DNER: variants seen among roughly 807,000 people sequenced by gnomAD.
DNER encodes delta/notch like EGF repeat containing, also known as delta and Notch-like epidermal growth factor-related receptor.
DNER carries 33 observed loss-of-function variants against 78.2 expected under a neutral mutation model. The ratio of observed to expected loss-of-function variants is 0.42; its 90% CI spans 0.32 to 0.56. The LOEUF is 0.56. Ranked by LOEUF, DNER falls within the 20% of genes least tolerant of loss-of-function variation. The pLI, the probability that DNER is intolerant of heterozygous loss-of-function variation, is 0.11. For synonymous variants in DNER, 417 were observed against 384.8 expected (o/e 1.08, Z -0.98); for missense variants, 918 against 975.3 (o/e 0.94, Z 0.78).
intron 7 of DNER, among the ~76,000 whole-genome samples, chr2:229,460,776 G>C (rs1397261807): frequency 6.6e-6 from 1 of 152,036 alleles, no homozygotes; most frequent in African/African-American, 2.4e-5. Context: ...TTGAAATTTT[G>C]AGTCAAAACT....
chr2:229,374,334 G>C (rs1224907368), intron 11 of DNER, among the ~76,000 whole-genome samples: 1 of 152,128 alleles, frequency 6.6e-6, no homozygotes, highest in Admixed American at 6.5e-5. Flanking sequence ...CCAAACCTCA[G>C]CATCACACAA....
intron 5 of DNER, among the ~76,000 whole-genome samples, chr2:229,544,409 G>A (rs1199773484): frequency 6.6e-6 from 1 of 152,108 alleles, no homozygotes; most frequent in Non-Finnish European, 1.5e-5. Flanking sequence ...CAAAGATTTA[G>A]CAGAAATGAT....
chr2:229,475,817 C>T (rs1695023286), intron 7 of DNER, among the ~76,000 whole-genome samples: 1 of 152,066 alleles, frequency 6.6e-6, no homozygotes, highest in Admixed American at 6.5e-5. Context: ...AGCACTTTCA[C>T]AAAAATTCCA....
intron 4 of DNER, among the ~76,000 whole-genome samples, chr2:229,576,773 T>A (rs1263609568): frequency 6.6e-6 from 1 of 151,756 alleles, no homozygotes; most frequent in African/African-American, 2.4e-5. Context: ...GGGAAGGGAA[T>A]CAGAGTGGAG....
intron 1 of DNER, among the ~76,000 whole-genome samples, chr2:229,649,870 CG>C (rs1218317126): frequency 2.6e-5 from 4 of 151,878 alleles, no homozygotes; most frequent in Non-Finnish European, 4.4e-5. Context: ...GTCAGGAGAT[CG>C]AGACCATCCT....
intron 5 of DNER, among the ~76,000 whole-genome samples, chr2:229,542,488 G>A (rs1259719617): frequency 2.0e-5 from 3 of 152,006 alleles, no homozygotes; most frequent in Non-Finnish European, 4.4e-5. Flanking sequence ...AATGAAAGCG[G>A]GGTGGAAATA....
intron 1 of DNER, among the ~76,000 whole-genome samples, chr2:229,656,731 G>A (rs143300402): frequency 1.1e-3 from 175 of 152,276 alleles, no homozygotes; most frequent in African/African-American, 4.1e-3. Flanking sequence ...CACAGGAGGA[G>A]TTTAATTTCA....
chr2:229,377,422 T>A (rs1168435891), intron 11 of DNER, among the ~76,000 whole-genome samples: 1 of 152,216 alleles, frequency 6.6e-6, no homozygotes, highest in Non-Finnish European at 1.5e-5. Context: ...AATTTTGATT[T>A]TTAGACCTTG....
chr2:229,680,171 A>G (rs1699362263), intron 1 of DNER, among the ~76,000 whole-genome samples: 1 of 152,218 alleles, frequency 6.6e-6, no homozygotes. Context: ...TCATCCACAG[A>G]GGAATAATGG....
chr2:229,554,287 G>A (rs891839493), intron 4 of DNER, among the ~76,000 whole-genome samples: 5 of 152,142 alleles, frequency 3.3e-5, no homozygotes, highest in Admixed American at 6.5e-5. Context: ...GCCAGGCATG[G>A]TGGCTCACAC....
chr2:229,456,771 C>A (rs1694583670), intron 7 of DNER, among the ~76,000 whole-genome samples: 1 of 152,058 alleles, frequency 6.6e-6, no homozygotes, highest in African/African-American at 2.4e-5. Context: ...CAGATGATGA[C>A]CGAGTTTTTC....
chr2:229,482,075 A>G (rs930306997), intron 6 of DNER, among the ~76,000 whole-genome samples: 3 of 152,268 alleles, frequency 2.0e-5, no homozygotes, highest in Admixed American at 6.5e-5. Flanking sequence ...TGATTTCCAA[A>G]TGACGAAAGT....
intron 1 of DNER, among the ~76,000 whole-genome samples, chr2:229,696,899 T>C (rs1047458566): frequency 7.2e-5 from 11 of 152,074 alleles, no homozygotes; most frequent in African/African-American, 2.7e-4. Flanking sequence ...GGGGCTCAGG[T>C]TGTGTAAGAA....
intron 1 of DNER, among the ~76,000 whole-genome samples, chr2:229,600,066 G>C (rs139137336): frequency 2.9e-4 from 44 of 152,262 alleles, no homozygotes; most frequent in African/African-American, 1.0e-3. Flanking sequence ...AACTCTAAAG[G>C]TGAAGCCTAG....
At chr2:229,647,706 A>G (rs1261622072) in intron 1 of DNER, among the ~76,000 whole-genome samples, 2 of 152,252 alleles carry the variant, frequency 1.3e-5, no homozygotes, top group African/African-American at 2.4e-5. Context: ...GAATTACAAT[A>G]TATCTGGATG....
chr2:229,662,303 T>G (rs184971207), intron 1 of DNER, among the ~76,000 whole-genome samples: 274 of 152,270 alleles, frequency 1.8e-3, no homozygotes, highest in African/African-American at 6.4e-3. Flanking sequence ...TGGAGCAGCC[T>G]CATCCAAAAG....
chr2:229,442,024 A>G (rs1694246401), intron 8 of DNER, among the ~76,000 whole-genome samples: 1 of 152,216 alleles, frequency 6.6e-6, no homozygotes, highest in Non-Finnish European at 1.5e-5. Context: ...CCCTTGCTAC[A>G]GATGCAGCTG....
intron 4 of DNER, among the ~76,000 whole-genome samples, chr2:229,573,790 A>T (rs1248269625): frequency 1.3e-5 from 2 of 152,176 alleles, no homozygotes; most frequent in Non-Finnish European, 2.9e-5. Context: ...TCCATGAAAG[A>T]CCATGAAAGC....
chr2:229,362,490 T>G (rs558589769), intron 12 of DNER, among the ~76,000 whole-genome samples: 1 of 152,312 alleles, frequency 6.6e-6, no homozygotes, highest in African/African-American at 2.4e-5. Flanking sequence ...CAGCACATCC[T>G]CCTTCTCATT....
Sources: gnomAD v4.1 joint callset for allele counts (sites outside exome capture counted in the v4.1 genomes callset) on GRCh38, gnomAD v4.1.1 for gene constraint, MANE v1.5 for transcripts, NCBI Gene and HGNC (gene_info 2026-07-23, HGNC 2026-07-21) for gene names.